Variants in INPP4B observed in about 807,000 individuals in gnomAD.
INPP4B encodes the protein inositol polyphosphate 4-phosphatase type II.
INPP4B carries 55 observed loss-of-function variants against 122.5 expected under a neutral mutation model. That is an observed-to-expected ratio of 0.45 (90% CI 0.36 to 0.56). The LOEUF is 0.56. Among genes scored for constraint, INPP4B ranks in the 20% least tolerant of loss-of-function variants. The pLI is 0.00. For synonymous variants in INPP4B, 403 were observed against 388.7 expected, an observed-to-expected ratio of 1.04 and a Z score of -0.43; for missense variants, 1,000 against 1,097.7, an observed-to-expected ratio of 0.91 and a Z score of 1.26.
chr4:142,422,743 G>A (rs1025957990), intron 5 of INPP4B, among the ~76,000 whole-genome samples: 1 of 152,134 alleles, frequency 6.6e-6, no homozygotes, highest in Non-Finnish European at 1.5e-5. Flanking sequence ...CAGCCTAGGA[G>A]TTGGAGGCTG....
intron 18 of INPP4B, among the ~76,000 whole-genome samples, chr4:142,129,032 C>T (rs901532786): frequency 1.3e-5 from 2 of 152,044 alleles, no homozygotes; most frequent in African/African-American, 4.8e-5. Context: ...ACCTTTCAGA[C>T]ACAGAAAAAA....
At chr4:142,635,418 T>C (rs1748916390) in intron 2 of INPP4B, among the ~76,000 whole-genome samples, 1 of 152,160 alleles carries the variant, frequency 6.6e-6, no homozygotes, top group Non-Finnish European at 1.5e-5. Flanking sequence ...TAATGTTCAT[T>C]GCAGCACTAT....
At chr4:142,538,904 AAGAG>A (rs1244102002) in intron 2 of INPP4B, among the ~76,000 whole-genome samples, 2 of 151,944 alleles carry the variant, frequency 1.3e-5, no homozygotes, top group Non-Finnish European at 2.9e-5. Context: ...TAAAAAAAGA[AAGAG>A]AGAGATAAAA....
intron 3 of INPP4B, among the ~76,000 whole-genome samples, chr4:142,444,253 T>A (rs115491753): frequency 4.6e-5 from 7 of 152,298 alleles, no homozygotes; most frequent in African/African-American, 1.7e-4. Flanking sequence ...TTGTAGATTT[T>A]TGACAGTAGA....
chr4:142,733,071 G>T (rs955511021), intron 1 of INPP4B, among the ~76,000 whole-genome samples: 25 of 152,114 alleles, frequency 1.6e-4, no homozygotes, highest in Admixed American at 1.3e-4. Flanking sequence ...GAACAGTAGA[G>T]AAGGGGCAAT....
At chr4:142,631,391 T>C (rs1165663902) in intron 2 of INPP4B, among the ~76,000 whole-genome samples, 3 of 151,850 alleles carry the variant, frequency 2.0e-5, no homozygotes, top group Admixed American at 6.6e-5. Flanking sequence ...ATATGTAGAA[T>C]AAAGCATAAG....
intron 25 of INPP4B, among the ~76,000 whole-genome samples, chr4:142,065,330 T>G (rs533853882): frequency 1.3e-5 from 2 of 152,238 alleles, no homozygotes; most frequent in South Asian, 4.2e-4. Context: ...AAATTGGCCC[T>G]GAGCTTTTTA....
chr4:142,804,558 CT>C (rs1198718806), intron 1 of INPP4B, among the ~76,000 whole-genome samples: 1 of 152,198 alleles, frequency 6.6e-6, no homozygotes, highest in African/African-American at 2.4e-5. Context: ...CACTTTGACA[CT>C]TTTGATTCCC....
intron 1 of INPP4B, among the ~76,000 whole-genome samples, chr4:142,753,506 G>C (rs1770038943): frequency 6.6e-6 from 1 of 151,932 alleles, no homozygotes. Flanking sequence ...GTCAGCCCAG[G>C]AGAATCTCTC....
At position 142,083,137 on chromosome 4, in the gene INPP4B, GTAAA is replaced by G. The variant is rs1272048013; in HGVS notation, c.2488-956_2488-953del. ...AAAACCTCCCAAATTAACAATAAAA[GTAAA>G]TAAATAAACTTCGCAGAACTCTAGA... On this transcript the variant is annotated intron_variant, in intron 24 of 25. Coordinates refer to ENST00000262992, the MANE Select transcript of INPP4B (RefSeq NM_001101669.3). 6.0e-5 allele frequency among the ~76,000 whole-genome samples: 9 copies of G among 150,664 alleles called. No homozygotes were observed. The South Asian group carries it at 6.3e-4, about 10-fold the overall frequency.
intron 7 of INPP4B, among the ~76,000 whole-genome samples, chr4:142,389,112 C>G (rs1478075089): frequency 1.3e-5 from 2 of 151,886 alleles, no homozygotes; most frequent in Non-Finnish European, 2.9e-5. Context: ...TAGCTGGGCA[C>G]AGTGGCAGGT....
chr4:142,369,540 G>A (rs2148674323), intron 7 of INPP4B, among the ~76,000 whole-genome samples: 1 of 150,794 alleles, frequency 6.6e-6, no homozygotes, highest in South Asian at 2.1e-4. Context: ...TCATACCACT[G>A]CATTTCAGCC....
At chr4:142,697,648 A>G (rs1235059773) in intron 2 of INPP4B, among the ~76,000 whole-genome samples, 1 of 152,186 alleles carries the variant, frequency 6.6e-6, no homozygotes, top group African/African-American at 2.4e-5. Context: ...TATACTGGAA[A>G]CCTACAAGAA....
intron 25 of INPP4B, among the ~76,000 whole-genome samples, chr4:142,042,149 T>C (rs1578699203): frequency 1.3e-5 from 2 of 152,250 alleles, no homozygotes; most frequent in African/African-American, 4.8e-5. Flanking sequence ...GCTGTTTTCC[T>C]GTCTTTTACC....
chr4:142,366,855 C>A (rs533139617), intron 7 of INPP4B, among the ~76,000 whole-genome samples: 2 of 152,228 alleles, frequency 1.3e-5, no homozygotes, highest in African/African-American at 4.8e-5. Flanking sequence ...CTGTATCAGT[C>A]AGGGCCTGAA....
chr4:142,597,336 T>A (rs914629250), intron 2 of INPP4B, among the ~76,000 whole-genome samples: 3 of 152,200 alleles, frequency 2.0e-5, no homozygotes, highest in African/African-American at 7.2e-5. Flanking sequence ...ACTATGTGGA[T>A]CAACGGTGAC....
chr4:142,813,318 A>C (rs768886832), intron 1 of INPP4B, among the ~76,000 whole-genome samples: 1 of 152,178 alleles, frequency 6.6e-6, no homozygotes, highest in Non-Finnish European at 1.5e-5. Context: ...TTATTTGATA[A>C]AAGATAAACA....
At chr4:142,190,573 A>G (rs1303772944) in intron 15 of INPP4B, among the ~76,000 whole-genome samples, 1 of 152,184 alleles carries the variant, frequency 6.6e-6, no homozygotes, top group East Asian at 1.9e-4. Flanking sequence ...AGATCCACAA[A>G]GTTGTTTTTT....
At chr4:142,462,035 T>A (rs1270550445) in intron 3 of INPP4B, among the ~76,000 whole-genome samples, 1 of 152,212 alleles carries the variant, frequency 6.6e-6, no homozygotes, top group Non-Finnish European at 1.5e-5. Context: ...GACTTTGCTG[T>A]AGCCACACTA....
Sources: allele counts gnomAD v4.1 joint callset (sites outside exome capture counted in the v4.1 genomes callset), GRCh38; gene constraint gnomAD v4.1.1; transcripts MANE v1.5; gene names NCBI Gene and HGNC (gene_info 2026-07-23, HGNC 2026-07-21).